CACNA1H: variants seen among roughly 807,000 people sequenced by gnomAD.
CACNA1H encodes calcium voltage-gated channel subunit alpha1 H, also known as voltage-dependent T-type calcium channel subunit alpha-1H.
A neutral mutation model predicts 192.5 loss-of-function variants in CACNA1H; 149 were observed. The ratio of observed to expected loss-of-function variants is 0.77; its 90% CI spans 0.68 to 0.89. CACNA1H has a LOEUF of 0.89. CACNA1H is among the 40% of genes least tolerant of loss of function. The probability of loss-of-function intolerance (pLI) is 0.00; values close to 1 mark genes in which losing one functional copy is unlikely to be tolerated. For synonymous variants in CACNA1H, 2,202 were observed against 1,475.2 expected (o/e 1.49, Z -11.29); for missense variants, 4,257 against 3,423.5 (o/e 1.24, Z -6.08).
At chr16:1,202,550 T>G in intron 9 of CACNA1H, 98 bp downstream of exon 9, 2 of 1,068,810 alleles carry the variant, frequency 1.9e-6, no homozygotes, top group South Asian at 1.7e-5. Flanking sequence ...GTGGGCACTC[T>G]GATGAGCCCA....
chr16:1,193,198 G>T (rs538288092), intron 2 of CACNA1H, among the ~76,000 whole-genome samples: 1 of 152,222 alleles, frequency 6.6e-6, no homozygotes, highest in South Asian at 2.1e-4. Flanking sequence ...CTCCCCTCGG[G>T]AAATGATGGC....
In CACNA1H at chr16:1,220,427, TG is replaced by T; in HGVS notation, c.6499del (p.Glu2167ArgfsTer21). 1 of 1,532,764 alleles carries T rather than the reference TG, an allele frequency of 6.5e-7. No homozygotes were observed. The allele number at this position is 1,532,764 out of a possible 1,614,324, so 94.9% of individuals were successfully genotyped here. A position where few individuals can be genotyped will look rare whatever the true frequency, so the allele number is the denominator to read the frequency against. ...PSAELGSGEP[G>X]EAKAWGPEAE... The stretch of plus-strand genomic sequence containing the variant: ...CGGCGGAGCTGGGCAGCGGGGAGCC[TG>T]GGGAGGCGAAGGCCTGGGGCCCTGA... On this transcript the variant is annotated frameshift_variant, in exon 35 of 35. Transcript: ENST00000348261. LOFTEE classifies it low-confidence loss of function (END_TRUNC).
chr16:1,184,817 A>G (rs947381076), intron 2 of CACNA1H, among the ~76,000 whole-genome samples: 10 of 152,248 alleles, frequency 6.6e-5, no homozygotes, highest in African/African-American at 2.4e-4. Flanking sequence ...AGCGAAGGGA[A>G]GCTGCCATTT....
chr16:1,206,224 G>A lies in CACNA1H; in HGVS notation c.2724G>A (p.Leu908=), dbSNP rs958354749. 5.0e-6 allele frequency: 8 copies of A among 1,592,280 alleles called. No individual in the cohort carries two copies. The highest frequency in any genetic ancestry group is 4.0e-5 in the African/African-American group (3 of 74,436). ...LPALRRQLVV[L]VKTMDNVATF... ...CCCTGCGGCGCCAGCTCGTGGTGCT[G>A]GTGAAGACCATGGACAACGTGGCTA... Residue 908 remains leucine (L), a synonymous_variant, in exon 12 of 35, where the codon CTG becomes CTA. Transcript: ENST00000348261.
At chr16:1,156,929 A>G (rs887387786) in intron 2 of CACNA1H, 5 of 152,210 alleles carry the variant, frequency 3.3e-5, no homozygotes, top group African/African-American at 1.2e-4. Flanking sequence ...GGACGCCCTT[A>G]TCCTTATTGA....
In CACNA1H at chr16:1,207,136, C is replaced by T. The variant is rs370510626; in HGVS notation, c.2907+18C>T. 452 of 1,566,552 alleles carry T rather than the reference C, an allele frequency of 2.9e-4. 1 individual carries two copies. The highest frequency in any genetic ancestry group is 8.3e-4 in the Middle Eastern group (5 of 6,020). On this transcript the variant is annotated intron_variant, in intron 13 of 34. Transcript: ENST00000348261. ...TGTTCCAGGTAGTGCCCGGGGTCCC[C>T]GCAGCAGTGTTGGGTGCTGAGTGTG...
chr16:1,203,395 A>T (rs1160049722), intron 9 of CACNA1H, among the ~76,000 whole-genome samples: 1 of 152,112 alleles, frequency 6.6e-6, no homozygotes, highest in Non-Finnish European at 1.5e-5. Context: ...GGCTGCTGTT[A>T]TATTTCTGTG....
chr16:1,199,962 C>T (rs547141588), intron 6 of CACNA1H, among the ~76,000 whole-genome samples: 5 of 149,706 alleles, frequency 3.3e-5, no homozygotes, highest in African/African-American at 7.3e-5. Context: ...CTCTGTCCAT[C>T]CCTGTTCTTT....
rs1226558058 is a variant in CACNA1H at position 1,209,238 on chromosome 16, C to G, written c.3570C>G (p.Ala1190=). 1 of 1,545,432 alleles carries G rather than the reference C, an allele frequency of 6.5e-7. No individual in the cohort carries two copies. The highest frequency in any genetic ancestry group is 2.5e-5 in the East Asian group (1 of 40,704). ...GCAGGGCCGCGCCCGGGCCCCGTGC[C>G]ACCCCACTGCGGCGGGCCGAGTCCC... ...EDGRAAPGPR[A]TPLRRAESLD... Residue 1190 remains alanine (A), a synonymous_variant, in exon 17 of 35, where the codon GCC becomes GCG. Transcript: ENST00000348261.
At chr16:1,184,488 G>A (rs1019235133) in intron 2 of CACNA1H, among the ~76,000 whole-genome samples, 3 of 152,234 alleles carry the variant, frequency 2.0e-5, no homozygotes, top group African/African-American at 7.2e-5. Flanking sequence ...TGGGCTGCTC[G>A]TTTCCCGGCC....
intron 29 of CACNA1H, 64 bp downstream of exon 29, chr16:1,215,439 G>A: frequency 1.3e-6 from 2 of 1,577,576 alleles, no homozygotes; most frequent in Non-Finnish European, 1.7e-6. Context: ...AGCCATGGGT[G>A]GGAGTGAGGG....
At chr16:1,219,426 G>C (rs1253000740) in intron 34 of CACNA1H, among the ~76,000 whole-genome samples, 1 of 151,734 alleles carries the variant, frequency 6.6e-6, no homozygotes, top group Non-Finnish European at 1.5e-5. Context: ...CTCAGGTCCC[G>C]TGGTGGGCAG....
At chr16:1,158,282 G>T (rs1047289112) in intron 2 of CACNA1H, among the ~76,000 whole-genome samples, 3 of 152,152 alleles carry the variant, frequency 2.0e-5, no homozygotes, top group African/African-American at 7.2e-5. Context: ...AGGGGGAGGG[G>T]CCTTCCCACT....
At chr16:1,203,397 A>AT (rs1968238377) in intron 9 of CACNA1H, among the ~76,000 whole-genome samples, 1 of 152,146 alleles carries the variant, frequency 6.6e-6, no homozygotes, top group South Asian at 2.1e-4. Flanking sequence ...CTGCTGTTAT[A>AT]TTTCTGTGGA....
chr16:1,201,328 G>A (rs1379170464), intron 8 of CACNA1H, among the ~76,000 whole-genome samples: 2 of 152,140 alleles, frequency 1.3e-5, no homozygotes, highest in Admixed American at 6.5e-5. Flanking sequence ...AGGAGGAAAC[G>A]CACCTGGGGT....
At chr16:1,191,401 G>A (rs1201837780) in intron 2 of CACNA1H, among the ~76,000 whole-genome samples, 3 of 45,142 alleles carry the variant, frequency 6.6e-5, no homozygotes, top group African/African-American at 1.7e-4. Flanking sequence ...TCGGGGTTTC[G>A]GTGACCCAGC....
intron 2 of CACNA1H, among the ~76,000 whole-genome samples, chr16:1,179,164 C>T (rs1244515683): frequency 2.0e-5 from 3 of 152,210 alleles, no homozygotes; most frequent in African/African-American, 2.4e-5. Context: ...CTGGGCCTGG[C>T]CGTCGTCTCC....
chr16:1,221,054 G>C lies in CACNA1H; in HGVS notation c.*60G>C, dbSNP rs1970448728. 1 of 1,335,416 alleles carries C rather than the reference G, an allele frequency of 7.5e-7. No individual in the cohort carries two copies. The highest frequency in any genetic ancestry group is 1.5e-5 in the South Asian group (1 of 67,792). The allele number at this position is 1,335,416 out of a possible 1,614,324, so 82.7% of individuals were successfully genotyped here. A position where few individuals can be genotyped will look rare whatever the true frequency, so the allele number is the denominator to read the frequency against. On this transcript the variant is annotated 3_prime_UTR_variant, in exon 35 of 35. Coordinates refer to ENST00000348261, the MANE Select transcript of CACNA1H (RefSeq NM_021098.3). ...GGGGTCTGGGGGCCCCGCTGGGGTG[G>C]AGGCCCAGGCAGAACCCTGCATGGA...
chr16:1,153,869 C>A lies in CACNA1H; in HGVS notation c.132C>A (p.Ser44=). The A allele has an allele frequency of 7.2e-7, 1 of 1,391,134 alleles. No homozygotes were observed. Among genetic ancestry groups the A allele is most frequent in the South Asian group, 1.5e-5 (1 of 66,412 alleles). 86.2% of individuals were successfully genotyped at this position (1,391,134 alleles called of 1,614,324 possible). The change falls in exon 2 of 35, where the codon TCC becomes TCA. Residue 44 remains serine, a synonymous_variant. Coordinates refer to ENST00000348261, the MANE Select transcript of CACNA1H (RefSeq NM_021098.3). ...CGGGACGCGAGGCGGAGCGGGGGTC[C>A]GAGCTCGGCGTGTCACCCTCCGAGA... ...GAPGREAERG[S]ELGVSPSESP...
Sources: gnomAD v4.1 joint callset for allele counts (sites outside exome capture counted in the v4.1 genomes callset) on GRCh38, gnomAD v4.1.1 for gene constraint, MANE v1.5 for transcripts, NCBI Gene and HGNC (gene_info 2026-07-23, HGNC 2026-07-21) for gene names.